The following ZNF511 variants were observed in gnomAD, a reference collection of about 807,000 sequenced individuals.
ZNF511 encodes zinc finger protein 511.
ZNF511 carries 26 observed loss-of-function variants against 24.8 expected under a neutral mutation model. The observed-to-expected ratio is 1.05, with a 90% CI of 0.77 to 1.46. The LOEUF is 1.46. ZNF511 is among the 40% of genes most tolerant of loss of function. ZNF511 has a pLI of 0.00. For missense variants in ZNF511, 358 were observed against 345.0 expected (o/e 1.04, Z -0.30); for synonymous variants, 144 against 139.6 (o/e 1.03, Z -0.22).
chr10:133,311,655 TG>T, intron 4 of ZNF511, 60 bp from the exon 5 acceptor site: 1 of 1,413,076 alleles, frequency 7.1e-7, no homozygotes, highest in Non-Finnish European at 9.8e-7. Context: ...TGTTCATTTC[TG>T]GGGAACACAG....
chr10:133,310,587 A>G (rs528146505), intron 4 of ZNF511: 19 of 414,186 alleles, frequency 4.6e-5, no homozygotes, highest in African/African-American at 3.8e-4. Flanking sequence ...CCTCTGGGCC[A>G]TGCCTGTACC....
At chr10:133,312,383 A>T in intron 5 of ZNF511, 2 of 1,166,026 alleles carry the variant, frequency 1.7e-6, no homozygotes, top group Non-Finnish European at 2.1e-6. Context: ...AAACATCACC[A>T]AAGACTCCAA....
At position 133,311,749 on chromosome 10, in the gene ZNF511, A is replaced by C. The variant is rs1370629297; in HGVS notation, c.588A>C (p.Gly196=). ...CAGCAGAAGCCCCAGGGGACAGTGG[A>C]GAGCGGTCAGAAGGGGAGGCCATGG... ...PASAEAPGDS[G]ERSEGEAMEI... is the part of the protein sequence containing the mutation. The change falls in exon 5 of 6, where the codon GGA becomes GGC. Residue 196 remains glycine, a synonymous_variant. Coordinates refer to ENST00000361518, the MANE Select transcript of ZNF511 (RefSeq NM_145806.4). The C allele has an allele frequency of 6.2e-7, 1 of 1,613,588 alleles. No individual in the cohort carries two copies. The highest frequency in any genetic ancestry group is 8.5e-7 in the Non-Finnish European group (1 of 1,180,046).
At chr10:133,312,647 C>T (rs974386593) in intron 5 of ZNF511, 141 bp from the exon 6 acceptor site, 3 of 1,536,898 alleles carry the variant, frequency 2.0e-6, no homozygotes, top group Non-Finnish European at 2.6e-6. Context: ...AGGGAGCTGC[C>T]CCAGGGCCCA....
chr10:133,312,190 T>G (rs1848006427), intron 5 of ZNF511: 7 of 1,416,504 alleles, frequency 4.9e-6, no homozygotes, highest in Non-Finnish European at 6.4e-6. Context: ...GTTTCTAGCG[T>G]CACCTGTGCC....
chr10:133,310,419 T>A (rs2136152798), intron 4 of ZNF511, 131 bp downstream of exon 4: 2 of 1,129,662 alleles, frequency 1.8e-6, no homozygotes, highest in Non-Finnish European at 1.2e-6. Flanking sequence ...CACCTGCAGG[T>A]ACCTGAAGCC....
rs764682179 is a variant in ZNF511, at chr10:133,309,473, T to C, written c.227+10T>C. 19 of 1,610,958 alleles carry C rather than the reference T, an allele frequency of 1.2e-5. No individual in the cohort carries two copies. The highest frequency in any genetic ancestry group is 1.6e-5 in the Non-Finnish European group (19 of 1,179,162). On this transcript the variant is annotated intron_variant, in intron 2 of 5. Transcript: ENST00000361518. ...TGCCTGAGAAGCCCAGGTAAGCGAATGGGCAGTGCCTAGCCAGTGCTACTC... is the reference window on the plus strand; with the variant it reads ...TGCCTGAGAAGCCCAGGTAAGCGAACGGGCAGTGCCTAGCCAGTGCTACTC...
At chr10:133,309,325 G>C (rs1022113674) in intron 1 of ZNF511, 65 bp from the exon 2 acceptor site, 2 of 1,560,268 alleles carry the variant, frequency 1.3e-6, no homozygotes, top group South Asian at 1.1e-5. Context: ...GGGTGTGGGC[G>C]AGGCCTGACG....
intron 4 of ZNF511, among the ~76,000 whole-genome samples, chr10:133,311,133 C>T (rs1453712364): frequency 6.6e-6 from 1 of 152,112 alleles, no homozygotes. Flanking sequence ...TATATTTCTT[C>T]TTTTTTTAAC....
In ZNF511 at chr10:133,311,506, CAG is replaced by C. The variant is rs1208881175; in HGVS notation, c.555-208_555-207del. Reference sequence around the variant, plus strand: ...TTGTTACAGTTAAGTTTATAAGATGCAGACTCTATTATATAAACAATGGCCTT... The same window carrying C: ...TTGTTACAGTTAAGTTTATAAGATGCACTCTATTATATAAACAATGGCCTT... On this transcript the variant is annotated intron_variant, in intron 4 of 5. Transcript: ENST00000361518. 1.2e-5 allele frequency: 6 copies of C among 515,658 alleles called. No individual in the cohort carries two copies. In the South Asian group the frequency reaches 1.6e-4, roughly 14 times the overall value. 31.9% of individuals were successfully genotyped at this position (515,658 alleles called of 1,614,324 possible).
At chr10:133,312,349 GA>G in intron 5 of ZNF511, 2 of 1,165,930 alleles carry the variant, frequency 1.7e-6, no homozygotes, top group South Asian at 2.3e-5. Context: ...ATTAATTTGG[GA>G]AAAACGGTGA....
At chr10:133,311,628 C>A (rs1292252475) in intron 4 of ZNF511, 88 bp from the exon 5 acceptor site, 2 of 1,154,080 alleles carry the variant, frequency 1.7e-6, no homozygotes, top group African/African-American at 3.1e-5. Context: ...ACAGGGAAAT[C>A]CAGTTTCTTT....
chr10:133,312,017 T>A, intron 5 of ZNF511, 176 bp downstream of exon 5: 1 of 1,569,078 alleles, frequency 6.4e-7, no homozygotes. Context: ...TGTGAATAAC[T>A]TAGTTTCTCT....
intron 1 of ZNF511, 104 bp downstream of exon 1, chr10:133,309,200 C>T: frequency 1.6e-6 from 2 of 1,214,324 alleles, no homozygotes. Context: ...GACTGCGGGG[C>T]GGGGCCGGAG....
intron 4 of ZNF511, chr10:133,310,514 T>C: frequency 1.7e-6 from 1 of 574,724 alleles, no homozygotes; most frequent in Non-Finnish European, 3.1e-6. Flanking sequence ...CCCAGCTCTG[T>C]GCCGGTGGAG....
Position 133,312,783 on chromosome 10 carries a change from C to A in ZNF511, c.681-5C>A, listed in dbSNP as rs752825426. 6.2e-7 allele frequency: 1 copy of A among 1,614,188 alleles called. No individual in the cohort carries two copies. The highest frequency in any genetic ancestry group is 8.5e-7 in the Non-Finnish European group (1 of 1,180,006). On this transcript the variant is annotated splice_polypyrimidine_tract_variant and splice_region_variant and intron_variant, in intron 5 of 5. Coordinates refer to ENST00000361518, the MANE Select transcript of ZNF511 (RefSeq NM_145806.4). ...GCATCTAATAGAAACTTTCTTCCAT[C>A]CCAGAATACCCTCTACCATCTGCTT...
At chr10:133,311,345 G>A (rs529586902) in intron 4 of ZNF511, among the ~76,000 whole-genome samples, 28 of 152,306 alleles carry the variant, frequency 1.8e-4, no homozygotes, top group Non-Finnish European at 3.2e-4. Flanking sequence ...ACCGTGCAAT[G>A]CTGGATTAAG....
rs762295683 is a variant in ZNF511 at position 133,309,949 on chromosome 10, TC to T, written c.403del (p.Gln135ArgfsTer14). The T allele has an allele frequency of 6.8e-6, 11 of 1,613,244 alleles. No homozygotes were observed. In the Admixed American group the frequency reaches 1.5e-4, roughly 22 times the overall value. On this transcript the variant is annotated frameshift_variant, in exon 3 of 6. Coordinates refer to ENST00000361518, the MANE Select transcript of ZNF511 (RefSeq NM_145806.4). LOFTEE classifies it high-confidence loss of function. Reference sequence around the variant, plus strand: ...ATCCTGGAGTGGCACGATTCGCTCTTCCAGATCCTGTCTGAGAGGCAGGACA... The same window carrying T: ...ATCCTGGAGTGGCACGATTCGCTCTTCAGATCCTGTCTGAGAGGCAGGACA... ...AHILEWHDSL[F>X]QILSERQDMY...
chr10:133,309,295 C>A, intron 1 of ZNF511, 95 bp from the exon 2 acceptor site: 1 of 1,460,286 alleles, frequency 6.8e-7, no homozygotes, highest in Non-Finnish European at 9.3e-7. Context: ...GGGACCGGAG[C>A]GCGGGATGAC....
Sources: gnomAD v4.1 joint callset for allele counts (sites outside exome capture counted in the v4.1 genomes callset) on GRCh38, gnomAD v4.1.1 for gene constraint, MANE v1.5 for transcripts, NCBI Gene and HGNC (gene_info 2026-07-23, HGNC 2026-07-21) for gene names.